DNAH9: variants seen among roughly 807,000 people sequenced by gnomAD.
DNAH9 encodes DNAH9 variant protein.
A neutral mutation model predicts 471.6 loss-of-function variants in DNAH9; 345 were observed. The ratio of observed to expected loss-of-function variants is 0.73; its 90% confidence interval spans 0.67 to 0.80. DNAH9 has a LOEUF of 0.80. Among genes scored for constraint, DNAH9 ranks in the 30% least tolerant of loss-of-function variants. The pLI is 0.00. For missense variants in DNAH9, 5,407 were observed against 5,609.2 expected, an observed-to-expected ratio of 0.96 and a Z score of 1.15; for synonymous variants, 2,093 against 2,123.6, an observed-to-expected ratio of 0.99 and a Z score of 0.40.
chr17:11,744,677 C>T (rs184054897), intron 30 of DNAH9, 120 bp from the exon 31 acceptor site: 27 of 834,722 alleles, frequency 3.2e-5, no homozygotes, highest in Admixed American at 9.9e-5. Flanking sequence ...TCCCTTCCCA[C>T]GTCTCTGTCC....
At chr17:11,775,595 CTTTTTTTTTTTTT>C (rs71142246) in intron 38 of DNAH9, among the ~76,000 whole-genome samples, 3 of 61,014 alleles carry the variant, frequency 4.9e-5, no homozygotes, top group Admixed American at 1.8e-4. Flanking sequence ...ATCAGATGTT[CTTTTTTTTTTTTT>C]TTTTTTTTTT....
At chr17:11,653,893 T>C (rs1389269551) in intron 14 of DNAH9, among the ~76,000 whole-genome samples, 1 of 152,122 alleles carries the variant, frequency 6.6e-6, no homozygotes, top group Non-Finnish European at 1.5e-5. Flanking sequence ...CTTTCTTTCA[T>C]CCAACTGTTC....
chr17:11,734,251 C>T (rs1467298358), intron 28 of DNAH9, among the ~76,000 whole-genome samples: 2 of 152,192 alleles, frequency 1.3e-5, no homozygotes, highest in Non-Finnish European at 1.5e-5. Flanking sequence ...CCAGTGATTA[C>T]TACGCACAAT....
chr17:11,667,738 G>A (rs2073897128), intron 15 of DNAH9, among the ~76,000 whole-genome samples: 1 of 152,176 alleles, frequency 6.6e-6, no homozygotes. Flanking sequence ...CCAGGCTCTA[G>A]TCTGGTAGAG....
intron 8 of DNAH9, among the ~76,000 whole-genome samples, chr17:11,633,076 G>T (rs2073098485): frequency 1.3e-5 from 2 of 152,138 alleles, no homozygotes; most frequent in South Asian, 4.1e-4. Context: ...GGTAATGATT[G>T]ATAGGTTTCA....
Position 11,807,832 on chromosome 17 carries a change from A to C in DNAH9, c.8521A>C (p.Ile2841Leu). ...GAGCCTGACAAGGCTGGCAGCTTTCATCAGCTCCATGGATGTCTTCCAGAT... is the reference window on the plus strand; with the variant it reads ...GAGCCTGACAAGGCTGGCAGCTTTCCTCAGCTCCATGGATGTCTTCCAGAT... ...KQSLTRLAAF[I>L]SSMDVFQITL... The change falls in exon 44 of 69, where the codon ATC becomes CTC. Residue 2841 changes from isoleucine to leucine, a missense_variant. Transcript: ENST00000262442. 1 of 1,614,080 alleles carries C rather than the reference A, an allele frequency of 6.2e-7. No homozygotes were observed.
intron 31 of DNAH9, among the ~76,000 whole-genome samples, chr17:11,746,584 A>G (rs1348810244): frequency 6.6e-6 from 1 of 152,094 alleles, no homozygotes; most frequent in Admixed American, 6.6e-5. Flanking sequence ...AACTGCCCCC[A>G]TGATCCAACC....
chr17:11,962,846 T>C lies in DNAH9; in HGVS notation c.13233+590T>C, dbSNP rs1976342117. Among the ~76,000 whole-genome samples, 2 of 152,142 alleles carry C rather than the reference T, an allele frequency of 1.3e-5. No homozygotes were observed. The highest frequency in any genetic ancestry group is 4.8e-5 in the African/African-American group (2 of 41,438). On this transcript the variant is annotated intron_variant, in intron 68 of 68. Coordinates refer to ENST00000262442, the MANE Select transcript of DNAH9 (RefSeq NM_001372.4). The surrounding 1 kb of genome is among the most constrained non-coding windows in gnomAD (Gnocchi z 4.1). ...GGCAGGAATCTTCTGCCTTTTATGTTGTCCTATGTTGGCAAAGAGGAGCCA... is the reference window on the plus strand; with the variant it reads ...GGCAGGAATCTTCTGCCTTTTATGTCGTCCTATGTTGGCAAAGAGGAGCCA...
chr17:11,870,105 C>T (rs1972209153), intron 51 of DNAH9, among the ~76,000 whole-genome samples: 1 of 152,156 alleles, frequency 6.6e-6, no homozygotes, highest in Admixed American at 6.5e-5. Context: ...ACATCAAGGA[C>T]AAGTGTCCCA....
At position 11,860,062 on chromosome 17, in the gene DNAH9, G is replaced by A. The variant is rs566741067; in HGVS notation, c.9933+5634G>A. Among the ~76,000 whole-genome samples the A allele has an allele frequency of 6.6e-5, 10 of 152,248 alleles. No individual in the cohort carries two copies. In the East Asian group the frequency reaches 1.7e-3, roughly 26 times the overall value. Reference sequence around the variant, plus strand: ...CAAAACTGAGAATACATTCTCTTCTGTAACCAAAACTAAGTGACCCATGCT... The same window carrying A: ...CAAAACTGAGAATACATTCTCTTCTATAACCAAAACTAAGTGACCCATGCT... On this transcript the variant is annotated intron_variant, in intron 50 of 68. Coordinates refer to ENST00000262442, the MANE Select transcript of DNAH9 (RefSeq NM_001372.4).
At chr17:11,911,951 A>C (rs1016484542) in intron 61 of DNAH9, among the ~76,000 whole-genome samples, 1 of 152,034 alleles carries the variant, frequency 6.6e-6, no homozygotes, top group Non-Finnish European at 1.5e-5. Flanking sequence ...ATTTCTTAGG[A>C]TTTTCCAGTT....
rs1194556681 is a variant in DNAH9, at chr17:11,894,385, G to A, written c.11295G>A (p.Met3765Ile). ...TCTCCACATTGCAGATTCTCCTCAT[G>A]AACCGAGAAGTCAATGCAGTGGAGT... ...LAQLTFQILL[M>I]NREVNAVELD... The change falls in exon 59 of 69, where the codon ATG (methionine) becomes ATA (isoleucine). Residue 3765 changes from methionine (M) to isoleucine (I), a missense_variant. This residue lies in a region of DNAH9 where 4,636 missense variants were observed against 4,900.3 expected (regional missense o/e 0.95). Coordinates refer to ENST00000262442, the MANE Select transcript of DNAH9 (RefSeq NM_001372.4). 1 of 1,613,984 alleles carries A rather than the reference G, an allele frequency of 6.2e-7. No individual in the cohort carries two copies. The highest frequency in any genetic ancestry group is 1.7e-5 in the Admixed American group (1 of 60,008).
chr17:11,749,086 GTTTTTTTTTTT>G (rs1357238487), intron 32 of DNAH9, among the ~76,000 whole-genome samples: 2 of 20,528 alleles, frequency 9.7e-5, no homozygotes, highest in East Asian at 4.9e-3. Context: ...TTTTTTTTTT[GTTTTTTTTTTT>G]TTTTTGAGAC....
chr17:11,677,221 A>T (rs1567711712), intron 17 of DNAH9, among the ~76,000 whole-genome samples: 1 of 152,006 alleles, frequency 6.6e-6, no homozygotes, highest in African/African-American at 2.4e-5. Context: ...ATCTATCATC[A>T]CTTACTAAGA....
intron 66 of DNAH9, among the ~76,000 whole-genome samples, chr17:11,938,464 AAAAAAC>A (rs1382662117): frequency 1.3e-5 from 2 of 151,214 alleles, no homozygotes; most frequent in East Asian, 3.9e-4. Flanking sequence ...TCCAAAAAAA[AAAAAAC>A]AAAAAAAGAA....
chr17:11,861,436 T>C lies in DNAH9; in HGVS notation c.9933+7008T>C, dbSNP rs1450090731. Among the ~76,000 whole-genome samples the C allele has an allele frequency of 7.1e-4, 108 of 152,126 alleles. 1 individual carries two copies. Among genetic ancestry groups the C allele is most frequent in the African/African-American group, 2.4e-3 (100 of 41,492 alleles). On this transcript the variant is annotated intron_variant, in intron 50 of 68. Coordinates refer to ENST00000262442, the MANE Select transcript of DNAH9 (RefSeq NM_001372.4). ...ATCCAGTCTATCATTGTTGGACATT[T>C]GGGTTGGTTCCAAGTCTTTGCTATT...
chr17:11,755,228 T>C (rs1967328036), intron 33 of DNAH9, among the ~76,000 whole-genome samples: 2 of 152,336 alleles, frequency 1.3e-5, no homozygotes, highest in South Asian at 2.1e-4. Context: ...ACTGTAGCCC[T>C]GCAGTATAGT....
At chr17:11,928,951 C>T (rs1974414490) in intron 62 of DNAH9, among the ~76,000 whole-genome samples, 1 of 151,358 alleles carries the variant, frequency 6.6e-6, no homozygotes. Context: ...CCAATTTGTA[C>T]CATCAAGGTT....
rs769683446 is a variant in DNAH9 at position 11,756,620 on chromosome 17, T to A, written c.6791T>A (p.Leu2264His). 6.2e-7 allele frequency: 1 copy of A among 1,613,802 alleles called. No homozygotes were observed. The highest frequency in any genetic ancestry group is 1.7e-5 in the Admixed American group (1 of 59,986). Reference sequence around the variant, plus strand: ...ATTCCTCTGAACCCCACCATGAAGCTCCTCTTTGAGATCAGCCACCTGCGC... The same window carrying A: ...ATTCCTCTGAACCCCACCATGAAGCACCTCTTTGAGATCAGCCACCTGCGC... The part of the protein sequence containing the change: ...ERIPLNPTMK[L>H]LFEISHLRTA... Residue 2264 changes from leucine (L) to histidine (H), a missense_variant, in exon 34 of 69, where the codon CTC (leucine) becomes CAC (histidine). Coordinates refer to ENST00000262442, the MANE Select transcript of DNAH9 (RefSeq NM_001372.4).
Sources: gnomAD v4.1 joint callset for allele counts (sites outside exome capture counted in the v4.1 genomes callset) on GRCh38, gnomAD v4.1.1 for gene constraint, gnomAD v4.1.1 regional missense constraint, Gnocchi (gnomAD v3.1) non-coding constraint, MANE v1.5 for transcripts, NCBI Gene and HGNC (gene_info 2026-07-23, HGNC 2026-07-21) for gene names.